PRTFDC1: variants seen among roughly 807,000 people sequenced by gnomAD.
PRTFDC1 encodes phosphoribosyltransferase domain-containing protein 1.
Under a neutral mutation model 34.6 loss-of-function variants are expected in PRTFDC1, and 38 were observed. The ratio of observed to expected loss-of-function variants is 1.10; its 90% CI spans 0.85 to 1.44. The LOEUF (loss-of-function observed/expected upper bound fraction) is 1.44, where lower values mean the gene tolerates loss of function less well. Among genes scored for constraint, PRTFDC1 ranks in the 40% most tolerant of loss-of-function variants. The pLI, the probability that PRTFDC1 is intolerant of heterozygous loss-of-function variation, is 0.00. For synonymous variants in PRTFDC1, 93 were observed against 98.1 expected (o/e 0.95, Z 0.31); for missense variants, 270 against 283.0 (o/e 0.95, Z 0.33).
intron 7 of PRTFDC1, among the ~76,000 whole-genome samples, chr10:24,851,831 A>G (rs948714870): frequency 2.0e-5 from 3 of 151,722 alleles, no homozygotes; most frequent in African/African-American, 7.3e-5. Context: ...AACACTCTCA[A>G]CAACACAAAG....
At chr10:24,902,175 A>G (rs915477192) in intron 3 of PRTFDC1, among the ~76,000 whole-genome samples, 4 of 152,048 alleles carry the variant, frequency 2.6e-5, no homozygotes, top group African/African-American at 4.8e-5. Flanking sequence ...TGCTGGATGG[A>G]GGAGGGAGGT....
chr10:24,850,652 G>A (rs1750279409), intron 8 of PRTFDC1, among the ~76,000 whole-genome samples: 1 of 152,018 alleles, frequency 6.6e-6, no homozygotes, highest in South Asian at 2.1e-4. Flanking sequence ...AGAGGGGGGA[G>A]GGGGAATTTA....
chr10:24,946,408 G>A (rs1271676210), intron 1 of PRTFDC1, among the ~76,000 whole-genome samples: 2 of 152,092 alleles, frequency 1.3e-5, no homozygotes, highest in East Asian at 3.9e-4. Flanking sequence ...AAAGGAAACA[G>A]ACTAAAAGTG....
At chr10:24,861,994 C>T (rs1239949880) in intron 4 of PRTFDC1, among the ~76,000 whole-genome samples, 1 of 151,506 alleles carries the variant, frequency 6.6e-6, no homozygotes, top group African/African-American at 2.4e-5. Context: ...TAAATATATA[C>T]CTGTCAAAGA....
intron 3 of PRTFDC1, among the ~76,000 whole-genome samples, chr10:24,924,464 G>C (rs1338814553): frequency 6.6e-6 from 1 of 152,170 alleles, no homozygotes; most frequent in Non-Finnish European, 1.5e-5. Context: ...AGCCAAAATA[G>C]ACAAATGGGA....
At chr10:24,861,022 T>G (rs1429259098) in intron 4 of PRTFDC1, among the ~76,000 whole-genome samples, 1 of 152,220 alleles carries the variant, frequency 6.6e-6, no homozygotes, top group Non-Finnish European at 1.5e-5. Flanking sequence ...AATTAAATAT[T>G]TTTTTGACAG....
chr10:24,897,154 G>A lies in PRTFDC1; in HGVS notation c.340-25091C>T, dbSNP rs115413824. ...GAGCCCAGGAGTTTGAGGCTGCAGTGAGCAATTATGAAGCCACTATACTCC... is the reference window on the plus strand; with the variant it reads ...GAGCCCAGGAGTTTGAGGCTGCAGTAAGCAATTATGAAGCCACTATACTCC... On this transcript the variant is annotated intron_variant, in intron 3 of 8. Transcript: ENST00000320152. Among the ~76,000 whole-genome samples the A allele has an allele frequency of 3.6e-3, 554 of 152,250 alleles. 4 individuals carry two copies. Among genetic ancestry groups the A allele is most frequent in the African/African-American group, 0.013 (534 of 41,554 alleles).
intron 3 of PRTFDC1, among the ~76,000 whole-genome samples, chr10:24,911,269 A>G (rs1265086032): frequency 6.6e-6 from 1 of 152,154 alleles, no homozygotes; most frequent in East Asian, 1.9e-4. Context: ...TGGCAAACAC[A>G]GTTCTGCTTT....
At chr10:24,941,270 G>T (rs1849153208) in intron 2 of PRTFDC1, among the ~76,000 whole-genome samples, 1 of 151,922 alleles carries the variant, frequency 6.6e-6, no homozygotes, top group African/African-American at 2.4e-5. Flanking sequence ...TGCCCAGGCT[G>T]GTCTCAAACT....
intron 3 of PRTFDC1, among the ~76,000 whole-genome samples, chr10:24,883,315 T>C (rs1848111730): frequency 6.6e-6 from 1 of 152,132 alleles, no homozygotes; most frequent in South Asian, 2.1e-4. Context: ...ATTGGTATTC[T>C]ACTCCACCCA....
At chr10:24,867,340 T>C (rs1448985216) in intron 4 of PRTFDC1, among the ~76,000 whole-genome samples, 1 of 152,190 alleles carries the variant, frequency 6.6e-6, no homozygotes, top group Non-Finnish European at 1.5e-5. Context: ...GTTCAAGTGC[T>C]CCTGCAGGCT....
rs60331186 is a variant in PRTFDC1 at position 24,895,253 on chromosome 10, C to CTTT, written c.340-23193_340-23191dup. Among the ~76,000 whole-genome samples the CTTT allele has an allele frequency of 1.7e-3, 183 of 105,180 alleles. 11 individuals are homozygous for CTTT. The highest frequency in any genetic ancestry group is 6.3e-3 in the African/African-American group (156 of 24,770). The allele number at this position is 105,180 out of a possible 152,430, so 69.0% of individuals were successfully genotyped here. The stretch of plus-strand genomic sequence containing the variant: ...TCCTTCTTCTGGAAATCTCCACTTT[C>CTTT]TTTTTTTTTTTTTTTTTGAGATGGA... On this transcript the variant is annotated intron_variant, in intron 3 of 8. Transcript: ENST00000320152.
intron 3 of PRTFDC1, among the ~76,000 whole-genome samples, chr10:24,930,979 G>A (rs1023965394): frequency 6.6e-6 from 1 of 152,066 alleles, no homozygotes; most frequent in Non-Finnish European, 1.5e-5. Context: ...AATGGTGATA[G>A]TTTCCGCAAT....
rs373731673 is a variant in PRTFDC1, at chr10:24,849,837, C to T, written c.*7G>A. The T allele has an allele frequency of 7.7e-5, 125 of 1,613,436 alleles. No individual in the cohort carries two copies. Among genetic ancestry groups the T allele is most frequent in the Non-Finnish European group, 1.0e-4 (122 of 1,179,558 alleles). On this transcript the variant is annotated 3_prime_UTR_variant, in exon 9 of 9. Coordinates refer to ENST00000320152, the MANE Select transcript of PRTFDC1 (RefSeq NM_020200.7). ...ATCTGGGACTTTAGTGGTGAGAATT[C>T]ATGTCTTTAGACTCGATATTTTTCT...
intron 3 of PRTFDC1, among the ~76,000 whole-genome samples, chr10:24,913,905 A>G (rs1433082092): frequency 6.6e-6 from 1 of 152,206 alleles, no homozygotes; most frequent in Non-Finnish European, 1.5e-5. Context: ...AGATTTTTAA[A>G]TTCAGGGACT....
intron 7 of PRTFDC1, among the ~76,000 whole-genome samples, chr10:24,853,564 C>T (rs977110805): frequency 5.3e-5 from 8 of 152,036 alleles, no homozygotes; most frequent in African/African-American, 1.4e-4. Flanking sequence ...GCCAAGATCA[C>T]GCCACTGCAC....
intron 3 of PRTFDC1, 34 bp downstream of exon 3, chr10:24,937,145 TAAATG>T: frequency 6.6e-7 from 1 of 1,509,820 alleles, no homozygotes. Context: ...AAAGCATTGT[TAAATG>T]AAATGTCATA....
chr10:24,883,440 C>A (rs1463202390), intron 3 of PRTFDC1, among the ~76,000 whole-genome samples: 2 of 151,684 alleles, frequency 1.3e-5, no homozygotes, highest in Non-Finnish European at 2.9e-5. Context: ...TGGGAAGAAG[C>A]TACAGGCTAG....
intron 3 of PRTFDC1, among the ~76,000 whole-genome samples, chr10:24,908,080 T>C (rs1042751007): frequency 1.3e-5 from 2 of 152,206 alleles, no homozygotes; most frequent in South Asian, 2.1e-4. Flanking sequence ...TTCTAGGATA[T>C]GGTCCAAGAC....
Sources: gnomAD v4.1 joint callset for allele counts (sites outside exome capture counted in the v4.1 genomes callset) on GRCh38, gnomAD v4.1.1 for gene constraint, MANE v1.5 for transcripts, NCBI Gene and HGNC (gene_info 2026-07-23, HGNC 2026-07-21) for gene names.